The following KCTD21 variants were observed in gnomAD, a reference collection of about 807,000 sequenced individuals.
The protein encoded by KCTD21 is BTB/POZ domain-containing protein KCTD21.
Under a neutral mutation model 13.2 loss-of-function variants are expected in KCTD21, and 9 were observed. That is an observed-to-expected ratio of 0.68 (90% CI 0.41 to 1.19). The LOEUF is 1.19. Among genes scored for constraint, KCTD21 ranks in the 50% most tolerant of loss-of-function variants. The pLI, the probability that KCTD21 is intolerant of heterozygous loss-of-function variation, is 0.01. For synonymous variants in KCTD21, 142 were observed against 137.4 expected (o/e 1.03, Z -0.23); for missense variants, 303 against 336.5 (o/e 0.90, Z 0.78).
chr11:78,180,659 T>TAC (rs34619314), intron 1 of KCTD21, among the ~76,000 whole-genome samples: 84,524 of 151,886 alleles, frequency 0.56, 23,833 homozygotes, highest in Admixed American at 0.66. Context: ...ATATACCTAT[T>TAC]AGTGGCTCAT....
At chr11:78,182,081 G>A (rs986155483) in intron 1 of KCTD21, among the ~76,000 whole-genome samples, 4 of 152,232 alleles carry the variant, frequency 2.6e-5, no homozygotes, top group African/African-American at 7.2e-5. Flanking sequence ...GGGAGGGGTT[G>A]TGTGATACTG....
Position 78,172,988 on chromosome 11 carries a change from T to G in KCTD21, c.*784A>C. On this transcript the variant is annotated 3_prime_UTR_variant, in exon 2 of 2. Transcript: ENST00000340067. ...ACCTGTTTCAATGATACCTCAAATT[T>G]TTGGGAAAACAATGACAAAAGTCAG... 1 of 152,606 alleles carries G rather than the reference T, an allele frequency of 6.6e-6. No individual in the cohort carries two copies. Among genetic ancestry groups the G allele is most frequent in the East Asian group, 1.9e-4 (1 of 5,196 alleles). The allele number at this position is 152,606 out of a possible 1,614,324, so 9.5% of individuals were successfully genotyped here.
intron 1 of KCTD21, 48 bp downstream of exon 1, chr11:78,188,525 C>G: frequency 1.0e-5 from 10 of 985,476 alleles, no homozygotes; most frequent in Non-Finnish European, 1.2e-5. Context: ...CCCACGTACC[C>G]TCGCCGGTAG....
intron 1 of KCTD21, among the ~76,000 whole-genome samples, chr11:78,181,638 C>T (rs1348684438): frequency 6.6e-6 from 1 of 152,056 alleles, no homozygotes; most frequent in Non-Finnish European, 1.5e-5. Context: ...TTCATGTAAC[C>T]ATACACATCT....
chr11:78,183,417 T>C (rs1050282681), intron 1 of KCTD21, among the ~76,000 whole-genome samples: 3 of 151,868 alleles, frequency 2.0e-5, no homozygotes, highest in African/African-American at 7.2e-5. Context: ...GCGCCTGTTA[T>C]TCCAGCTACT....
At chr11:78,177,320 G>A (rs1862482020) in intron 1 of KCTD21, among the ~76,000 whole-genome samples, 1 of 152,224 alleles carries the variant, frequency 6.6e-6, no homozygotes, top group Non-Finnish European at 1.5e-5. Context: ...CATCTGGAGT[G>A]TCTGAGGAGA....
At chr11:78,176,029 TC>T (rs1354864952) in intron 1 of KCTD21, among the ~76,000 whole-genome samples, 1 of 152,196 alleles carries the variant, frequency 6.6e-6, no homozygotes, top group African/African-American at 2.4e-5. Context: ...AATGATTATT[TC>T]CAATTTCATC....
intron 1 of KCTD21, chr11:78,186,781 G>T (rs1428535415): frequency 9.1e-6 from 9 of 985,286 alleles, no homozygotes; most frequent in Non-Finnish European, 1.1e-5. Context: ...CATCGGCCAG[G>T]TCTCTCAGCT....
intron 1 of KCTD21, among the ~76,000 whole-genome samples, chr11:78,177,240 C>CAGGGGT (rs1320062737): frequency 1.2e-4 from 18 of 152,332 alleles, no homozygotes; most frequent in African/African-American, 4.3e-4. Flanking sequence ...GTGGCAGGGG[C>CAGGGGT]AGGGGTATGT....
Position 78,173,791 on chromosome 11 carries a change from C to T in KCTD21, c.764G>A (p.Arg255Gln), listed in dbSNP as rs372134817. ...GTCCTTTTACCTGTACCGTATTAAT[C>T]GAATAATCTTATTGTTCATAAAATC... is the stretch of plus-strand genomic sequence containing the variant. ...ALDFMNNKII[R>Q]LIRYR Residue 255 changes from arginine (R) to glutamine (Q), a missense_variant, in exon 2 of 2, where the codon CGA (arginine) becomes CAA (glutamine). Coordinates refer to ENST00000340067, the MANE Select transcript of KCTD21 (RefSeq NM_001029859.3). The T allele has an allele frequency of 1.6e-5, 26 of 1,612,912 alleles. No individual in the cohort carries two copies. The highest frequency in any genetic ancestry group is 3.3e-5 in the South Asian group (3 of 90,948).
In KCTD21 at chr11:78,187,491, G is replaced by A. The variant is rs151306764; in HGVS notation, c.-30+1082C>T. On this transcript the variant is annotated intron_variant, in intron 1 of 1. Transcript: ENST00000340067. Reference sequence around the variant, plus strand: ...AGACCACGGAATCTGGCACGGCAAGGTATTCTTTCATCTGGCGTAGACCTC... The same window carrying A: ...AGACCACGGAATCTGGCACGGCAAGATATTCTTTCATCTGGCGTAGACCTC... The A allele has an allele frequency of 4.2e-3, 4,110 of 985,340 alleles. 7 individuals are homozygous for A. Among genetic ancestry groups the A allele is most frequent in the Non-Finnish European group, 4.7e-3 (3,879 of 829,908 alleles). 61.0% of individuals were successfully genotyped at this position (985,340 alleles called of 1,614,324 possible). A position where few individuals can be genotyped will look rare whatever the true frequency, so the allele number is the denominator to read the frequency against.
At position 78,188,565 on chromosome 11, in the gene KCTD21, G is replaced by T. The variant is rs1343813807; in HGVS notation, c.-30+8C>A. 3.0e-6 allele frequency: 3 copies of T among 985,718 alleles called. No homozygotes were observed. The highest frequency in any genetic ancestry group is 3.6e-6 in the Non-Finnish European group (3 of 830,188). 61.1% of individuals were successfully genotyped at this position (985,718 alleles called of 1,614,324 possible). A position where few individuals can be genotyped will look rare whatever the true frequency, so the allele number is the denominator to read the frequency against. ...CGAGCCCCGCGACCCCGGCCGTGCCGCACCCACCTCCTGCCCTCGCTCTGC... is the reference window on the plus strand; with the variant it reads ...CGAGCCCCGCGACCCCGGCCGTGCCTCACCCACCTCCTGCCCTCGCTCTGC... On this transcript the variant is annotated splice_region_variant and intron_variant, in intron 1 of 1. Transcript: ENST00000340067.
chr11:78,177,813 C>G (rs1232987674), intron 1 of KCTD21: 1 of 152,246 alleles, frequency 6.6e-6, no homozygotes, highest in African/African-American at 2.4e-5. Flanking sequence ...TTATCTCTTC[C>G]ATGCATTACT....
chr11:78,187,297 G>A, intron 1 of KCTD21: 1 of 985,298 alleles, frequency 1.0e-6, no homozygotes, highest in Non-Finnish European at 1.2e-6. Flanking sequence ...ACATCAAAGA[G>A]CTGCGTCTAT....
intron 1 of KCTD21, among the ~76,000 whole-genome samples, chr11:78,183,877 C>T (rs536479053): frequency 9.2e-5 from 14 of 152,110 alleles, no homozygotes; most frequent in East Asian, 5.8e-4. Flanking sequence ...CCTCGTGATC[C>T]GCCCGCCTCG....
chr11:78,179,931 C>A (rs1205131667), intron 1 of KCTD21, among the ~76,000 whole-genome samples: 1 of 152,230 alleles, frequency 6.6e-6, no homozygotes, highest in East Asian at 1.9e-4. Flanking sequence ...CAGCACCCAG[C>A]ATTCCACCTG....
At chr11:78,187,626 AC>A (rs1293059235) in intron 1 of KCTD21, 8 of 985,116 alleles carry the variant, frequency 8.1e-6, no homozygotes, top group Middle Eastern at 5.2e-4. Context: ...CCCATTTCAA[AC>A]CGCTCTCTTC....
chr11:78,173,235 T>C lies in KCTD21; in HGVS notation c.*537A>G, dbSNP rs1413795156. 2 of 155,762 alleles carry C rather than the reference T, an allele frequency of 1.3e-5. No homozygotes were observed. Among genetic ancestry groups the C allele is most frequent in the Non-Finnish European group, 2.8e-5 (2 of 70,316 alleles). The allele number at this position is 155,762 out of a possible 1,614,324, so 9.6% of individuals were successfully genotyped here. A position where few individuals can be genotyped will look rare whatever the true frequency, so the allele number is the denominator to read the frequency against. ...GGGGACACTAACAGAGCTCTGAGAA[T>C]GCACAGCATTCCAAGCCAGCCAAAC... On this transcript the variant is annotated 3_prime_UTR_variant, in exon 2 of 2. Coordinates refer to ENST00000340067, the MANE Select transcript of KCTD21 (RefSeq NM_001029859.3).
intron 1 of KCTD21, among the ~76,000 whole-genome samples, chr11:78,183,230 C>A (rs750174078): frequency 4.6e-5 from 7 of 152,096 alleles, no homozygotes; most frequent in Non-Finnish European, 8.8e-5. Flanking sequence ...AATTAAAAAA[C>A]AACAACAACA....
Sources: allele counts gnomAD v4.1 joint callset (sites outside exome capture counted in the v4.1 genomes callset), GRCh38; gene constraint gnomAD v4.1.1; transcripts MANE v1.5; gene names NCBI Gene and HGNC (gene_info 2026-07-23, HGNC 2026-07-21).